The following NBPF9 variants were observed in gnomAD, a reference collection of about 807,000 sequenced individuals.
NBPF9 encodes NBPF family member NBPF9.
NBPF9 carries 91 observed loss-of-function variants against 97.8 expected under a neutral mutation model. The observed-to-expected ratio is 0.93, with a 90% CI of 0.79 to 1.11. NBPF9 has a LOEUF of 1.11. NBPF9 is among the 50% of genes least tolerant of loss of function. The probability of loss-of-function intolerance (pLI) is 0.00; values close to 1 mark genes in which losing one functional copy is unlikely to be tolerated. For missense variants in NBPF9, 992 were observed against 939.5 expected (o/e 1.06, Z -0.73); for synonymous variants, 334 against 359.5 (o/e 0.93, Z 0.80).
intron 18 of NBPF9, 86 bp from the exon 19 acceptor site, chr1:149,064,568 G>C: frequency 2.5e-6 from 2 of 813,296 alleles, no homozygotes; most frequent in Non-Finnish European, 4.2e-6. Flanking sequence ...CCTAACACAG[G>C]GACATCAGTC....
At chr1:149,077,053 C>T (rs1553654572) in intron 11 of NBPF9, among the ~76,000 whole-genome samples, 155 bp downstream of exon 11, 1 of 150,426 alleles carries the variant, frequency 6.6e-6, no homozygotes, top group Non-Finnish European at 1.5e-5. Flanking sequence ...CTTGGGCCTT[C>T]CAAAGTGCTG....
chr1:149,085,258 A>G (rs2152915179), intron 5 of NBPF9, among the ~76,000 whole-genome samples: 1 of 152,282 alleles, frequency 6.6e-6, no homozygotes, highest in African/African-American at 2.4e-5. Flanking sequence ...TCTACTAAAA[A>G]AAAATCAATA....
chr1:149,053,727 C>T (rs1364663200), downstream of NBPF9, among the ~76,000 whole-genome samples: 1 of 131,856 alleles, frequency 7.6e-6, no homozygotes, highest in Non-Finnish European at 1.6e-5. Context: ...ATGTAATTGA[C>T]TGTTGTATGG....
chr1:149,063,557 G>A (rs1424642130), intron 20 of NBPF9, 76 bp downstream of exon 20: 8 of 683,302 alleles, frequency 1.2e-5, no homozygotes, highest in Non-Finnish European at 1.8e-5. Flanking sequence ...GCTCAGTAAC[G>A]GCCACTTGCA....
intron 5 of NBPF9, among the ~76,000 whole-genome samples, chr1:149,084,577 G>A (rs1423685811): frequency 6.7e-6 from 1 of 150,374 alleles, no homozygotes; most frequent in Non-Finnish European, 1.5e-5. Flanking sequence ...GCGACCAGAG[G>A]AGCCCCTGCA....
intron 5 of NBPF9, among the ~76,000 whole-genome samples, chr1:149,085,697 T>C (rs1285662753): frequency 6.6e-6 from 1 of 151,924 alleles, no homozygotes; most frequent in Non-Finnish European, 1.5e-5. Context: ...TATTATGTTT[T>C]ATTGAATTTC....
chr1:149,073,122 G>A (rs1319812001), intron 13 of NBPF9, among the ~76,000 whole-genome samples, 190 bp from the exon 14 acceptor site: 1 of 149,240 alleles, frequency 6.7e-6, no homozygotes, highest in Non-Finnish European at 1.5e-5. Context: ...CTGTATCAGA[G>A]AGGGCTCCTG....
At position 149,059,361 on chromosome 1, in the gene NBPF9, A is replaced by G. The variant is rs1479295353; in HGVS notation, c.2586-264T>C. The G allele has an allele frequency of 8.7e-5, 39 of 449,120 alleles. 6 individuals carry two copies. Among genetic ancestry groups the G allele is most frequent in the East Asian group, 7.8e-4 (27 of 34,604 alleles). The allele number at this position is 449,120 out of a possible 1,614,324, so 27.8% of individuals were successfully genotyped here. On this transcript the variant is annotated intron_variant, in intron 25 of 29. Transcript: ENST00000584027. The stretch of plus-strand genomic sequence containing the variant: ...CCGGGTGACACACTGATGAAGGAGT[A>G]AAAGGACACTCTGAGTTCGTGCCCT...
exon 30 of NBPF9, chr1:149,055,856 G>T: frequency 6.2e-7 from 1 of 1,606,960 alleles, no homozygotes; most frequent in Non-Finnish European, 8.5e-7. Flanking sequence ...AGTGAGTCCT[G>T]CAAGACTTCA....
At chr1:149,055,574 G>T in exon 30 of NBPF9, 1 of 1,557,548 alleles carries the variant, frequency 6.4e-7, no homozygotes, top group Admixed American at 1.8e-5. Flanking sequence ...GCTTCCAAAT[G>T]GAACTGTACT....
chr1:149,063,983 G>A (rs1553650927), intron 19 of NBPF9, among the ~76,000 whole-genome samples, 178 bp from the exon 20 acceptor site: 1 of 107,684 alleles, frequency 9.3e-6, no homozygotes, highest in East Asian at 2.8e-4. Flanking sequence ...AGAAAAGGAT[G>A]AAAGAGAAAG....
chr1:149,068,491 A>T (rs1355330730), intron 17 of NBPF9, among the ~76,000 whole-genome samples: 1 of 149,868 alleles, frequency 6.7e-6, no homozygotes, highest in Non-Finnish European at 1.5e-5. Flanking sequence ...TCTCTGATAA[A>T]ACAGACTTTA....
At chr1:149,085,238 T>C (rs1262438879) in intron 5 of NBPF9, among the ~76,000 whole-genome samples, 1 of 149,676 alleles carries the variant, frequency 6.7e-6, no homozygotes, top group African/African-American at 2.5e-5. Context: ...TTTTTATGAA[T>C]AAAAAAGATT....
Position 149,062,786 on chromosome 1 carries a change from A to G in NBPF9, c.2078+76T>C, listed in dbSNP as rs1390958823. 1.3e-5 allele frequency: 10 copies of G among 769,952 alleles called. No homozygotes were observed. In the Admixed American group the frequency reaches 1.4e-4, roughly 10 times the overall value. 47.7% of individuals were successfully genotyped at this position (769,952 alleles called of 1,614,324 possible). ...CTCCGTTGAAAACATGAAATTGAAC[A>G]CACTCTTGTTTTCCCTGGACCTGGC... On this transcript the variant is annotated intron_variant, in intron 21 of 29. Coordinates refer to ENST00000584027, the Ensembl canonical transcript of NBPF9.
rs1553656940 is a variant in NBPF9 at position 149,082,068 on chromosome 1, C to T, written c.72G>A (p.Leu24=). ...GTTTGTTCTCTGCCAACTGGGGGCG[C>T]AATTTCTCGTTGATTTCTAGAATGT... is the stretch of plus-strand genomic sequence containing the variant. Residue 24 remains leucine, a synonymous_variant, in exon 7 of 30, where the codon TTG becomes TTA. Transcript: ENST00000584027. The T allele has an allele frequency of 1.1e-5, 18 of 1,610,676 alleles. No individual in the cohort carries two copies. The South Asian group carries it at 2.0e-4, about 18-fold the overall frequency.
chr1:149,087,596 T>A lies in NBPF9; in HGVS notation c.-195+3157A>T, dbSNP rs1338136460. On this transcript the variant is annotated intron_variant, in intron 5 of 29. Transcript: ENST00000584027. ...TTATTCTTGATCATTGACATTACCA[T>A]ATAAATGGTAGAATCAGCTTGTAAA... Among the ~76,000 whole-genome samples the A allele has an allele frequency of 1.1e-4, 17 of 150,476 alleles. 1 individual carries two copies. The highest frequency in any genetic ancestry group is 3.7e-4 in the African/African-American group (15 of 41,028).
At chr1:149,079,130 T>A (rs1362627436) in exon 9 of NBPF9, 8 of 1,297,710 alleles carry the variant, frequency 6.2e-6, no homozygotes, top group Admixed American at 5.1e-5. Flanking sequence ...AGATGCTCAT[T>A]CAATGAGCGG....
chr1:149,074,657 C>T (rs1278087954), intron 12 of NBPF9, among the ~76,000 whole-genome samples: 4 of 151,158 alleles, frequency 2.6e-5, no homozygotes, highest in Admixed American at 6.6e-5. Context: ...GACAGGCCCA[C>T]GGTCCCTGCT....
At chr1:149,068,390 T>G (rs1449940047) in intron 17 of NBPF9, among the ~76,000 whole-genome samples, 1 of 150,910 alleles carries the variant, frequency 6.6e-6, no homozygotes, top group Admixed American at 6.6e-5. Flanking sequence ...CCATCTCACA[T>G]GCAGAGACAC....
Sources: allele counts gnomAD v4.1 joint callset (sites outside exome capture counted in the v4.1 genomes callset), GRCh38; gene constraint gnomAD v4.1.1; transcripts MANE v1.5; gene names NCBI Gene and HGNC (gene_info 2026-07-23, HGNC 2026-07-21).